MAGI2: variants seen among roughly 807,000 people sequenced by gnomAD.
MAGI2 encodes the protein membrane associated guanylate kinase, WW and PDZ domain containing 2.
A neutral mutation model predicts 133.3 loss-of-function variants in MAGI2; 35 were observed. The ratio of observed to expected loss-of-function variants is 0.26; its 90% confidence interval spans 0.20 to 0.35. The LOEUF (loss-of-function observed/expected upper bound fraction) is 0.35, where lower values mean the gene tolerates loss of function less well. MAGI2 is among the 10% of genes least tolerant of loss of function. The pLI is 1.00. For missense variants in MAGI2, 1,636 were observed against 1,863.4 expected, an observed-to-expected ratio of 0.88 and a Z score of 2.25; for synonymous variants, 729 against 710.6, an observed-to-expected ratio of 1.03 and a Z score of -0.41.
At chr7:78,416,812 T>C (rs1473746724) in intron 6 of MAGI2, among the ~76,000 whole-genome samples, 2 of 152,138 alleles carry the variant, frequency 1.3e-5, no homozygotes, top group African/African-American at 2.4e-5. Flanking sequence ...ACAGTATATG[T>C]CCCTTTTCCC....
At chr7:78,280,317 G>A (rs983267423) in intron 9 of MAGI2, among the ~76,000 whole-genome samples, 1 of 152,106 alleles carries the variant, frequency 6.6e-6, no homozygotes, top group African/African-American at 2.4e-5. Flanking sequence ...GGAAGGGGTG[G>A]TGGTTACTGG....
rs1808015670 is a variant in MAGI2, at chr7:78,019,046, C to T, written c.*269G>A. 6.8e-6 allele frequency: 3 copies of T among 442,322 alleles called. No individual in the cohort carries two copies. Among genetic ancestry groups the T allele is most frequent in the Non-Finnish European group, 1.2e-5 (3 of 250,988 alleles). 27.4% of individuals were successfully genotyped at this position (442,322 alleles called of 1,614,324 possible). On this transcript the variant is annotated 3_prime_UTR_variant, in exon 22 of 22. Transcript: ENST00000354212. ...ACTAAAGCTACACTGCACTGTCTCTCTGTGATGTTCTTCACGTTATTTTGG... is the reference window on the plus strand; with the variant it reads ...ACTAAAGCTACACTGCACTGTCTCTTTGTGATGTTCTTCACGTTATTTTGG...
intron 7 of MAGI2, among the ~76,000 whole-genome samples, chr7:78,368,026 T>A (rs913173248): frequency 6.6e-6 from 1 of 152,168 alleles, no homozygotes; most frequent in Admixed American, 6.6e-5. Flanking sequence ...AGATTGCATG[T>A]GGAAAATGAG....
intron 6 of MAGI2, among the ~76,000 whole-genome samples, chr7:78,386,790 G>A (rs1795429003): frequency 6.6e-6 from 1 of 152,132 alleles, no homozygotes; most frequent in Non-Finnish European, 1.5e-5. Context: ...CAACAGCACT[G>A]GTACCAGACA....
chr7:78,227,850 T>TTGTG (rs3085614), intron 10 of MAGI2, among the ~76,000 whole-genome samples: 1,798 of 145,616 alleles, frequency 0.012, 23 homozygotes, highest in South Asian at 0.032. Context: ...TCTTACTCAG[T>TTGTG]TGTGTGTGTG....
chr7:79,027,583 T>C (rs12540090), intron 1 of MAGI2, among the ~76,000 whole-genome samples: 89,005 of 151,792 alleles, frequency 0.59, 26,421 homozygotes, highest in East Asian at 0.63. Context: ...CTCCGTGAAA[T>C]AGAAATTTTA....
At chr7:78,582,764 A>G (rs1450061141) in intron 3 of MAGI2, among the ~76,000 whole-genome samples, 1 of 152,162 alleles carries the variant, frequency 6.6e-6, no homozygotes, top group East Asian at 1.9e-4. Context: ...TATAACATAG[A>G]CTCCTCTAGA....
At chr7:78,387,456 A>G (rs952079126) in intron 6 of MAGI2, among the ~76,000 whole-genome samples, 2 of 152,170 alleles carry the variant, frequency 1.3e-5, no homozygotes, top group Non-Finnish European at 2.9e-5. Context: ...GGAGAAACCA[A>G]TTGGGGAAAA....
chr7:78,915,653 T>G (rs1056416729), intron 2 of MAGI2, among the ~76,000 whole-genome samples: 2 of 152,016 alleles, frequency 1.3e-5, no homozygotes, highest in Non-Finnish European at 2.9e-5. Flanking sequence ...TTCGTAATTT[T>G]TTTTTTGTTT....
intron 2 of MAGI2, among the ~76,000 whole-genome samples, chr7:78,650,575 C>T (rs952359843): frequency 2.0e-5 from 3 of 152,058 alleles, no homozygotes; most frequent in Admixed American, 2.0e-4. Context: ...GAAGAGAGAG[C>T]CTTTAATGAA....
intron 21 of MAGI2, among the ~76,000 whole-genome samples, chr7:78,027,802 A>G (rs1045528130): frequency 6.6e-6 from 1 of 152,240 alleles, no homozygotes; most frequent in Non-Finnish European, 1.5e-5. Context: ...GGAGACACTG[A>G]GTCACTTTGA....
At chr7:78,873,985 C>A (rs975629102) in intron 2 of MAGI2, among the ~76,000 whole-genome samples, 4 of 152,008 alleles carry the variant, frequency 2.6e-5, no homozygotes, top group African/African-American at 9.7e-5. Flanking sequence ...AATTGAAAAT[C>A]AATTACAATA....
intron 2 of MAGI2, among the ~76,000 whole-genome samples, chr7:78,990,905 TACACACAC>T (rs140828645): frequency 0.02 from 2,827 of 141,474 alleles, 95 homozygotes; most frequent in African/African-American, 0.069. Context: ...TATATGTACA[TACACACAC>T]ACACACACAC....
At chr7:78,666,955 T>G (rs1036315781) in intron 2 of MAGI2, among the ~76,000 whole-genome samples, 1 of 152,134 alleles carries the variant, frequency 6.6e-6, no homozygotes, top group African/African-American at 2.4e-5. Context: ...CTACTATATA[T>G]GGGAAAAATT....
chr7:78,849,060 C>G (rs1450485082), intron 2 of MAGI2, among the ~76,000 whole-genome samples: 1 of 151,940 alleles, frequency 6.6e-6, no homozygotes, highest in Non-Finnish European at 1.5e-5. Context: ...ATGCAAATTC[C>G]AAATTTATTT....
At chr7:78,331,159 T>C (rs956593487) in intron 9 of MAGI2, among the ~76,000 whole-genome samples, 4 of 152,144 alleles carry the variant, frequency 2.6e-5, no homozygotes, top group African/African-American at 9.7e-5. Flanking sequence ...AAGTTAAACA[T>C]TGGGTACATA....
intron 21 of MAGI2, among the ~76,000 whole-genome samples, chr7:78,061,875 A>G (rs2151137986): frequency 6.6e-6 from 1 of 152,316 alleles, no homozygotes; most frequent in African/African-American, 2.4e-5. Context: ...CCGTCATTAG[A>G]TTTTGTTATC....
At chr7:78,912,206 G>A (rs1475684492) in intron 2 of MAGI2, among the ~76,000 whole-genome samples, 2 of 152,070 alleles carry the variant, frequency 1.3e-5, no homozygotes, top group Admixed American at 6.6e-5. Context: ...AGCTGCCCTT[G>A]ACCCTATACA....
At chr7:78,065,643 G>A in intron 21 of MAGI2, 1 of 698,968 alleles carries the variant, frequency 1.4e-6, no homozygotes, top group Admixed American at 2.0e-5. Flanking sequence ...TGCACATGGA[G>A]AGACTGGAAG....
Sources: gnomAD v4.1 joint callset for allele counts (sites outside exome capture counted in the v4.1 genomes callset) on GRCh38, gnomAD v4.1.1 for gene constraint, MANE v1.5 for transcripts, NCBI Gene and HGNC (gene_info 2026-07-23, HGNC 2026-07-21) for gene names.